The following FLACC1 variants were observed in gnomAD, a reference collection of about 807,000 sequenced individuals.
FLACC1 encodes the protein flagellum associated containing coiled-coil domains 1, also known as flagellum-associated coiled-coil domain-containing protein 1.
In FLACC1, 66 loss-of-function variants were observed where a neutral mutation model predicts 62.8. That is an observed-to-expected ratio of 1.05 (90% confidence interval 0.86 to 1.29). FLACC1 has a LOEUF of 1.29. FLACC1 is among the 50% of genes most tolerant of loss of function. The pLI, the probability that FLACC1 is intolerant of heterozygous loss-of-function variation, is 0.00. For synonymous variants in FLACC1, 156 were observed against 161.0 expected (o/e 0.97, Z 0.24); for missense variants, 452 against 489.1 (o/e 0.92, Z 0.71).
intron 7 of FLACC1, among the ~76,000 whole-genome samples, chr2:201,332,811 T>C (rs1413841299): frequency 2.6e-5 from 4 of 151,852 alleles, no homozygotes; most frequent in Non-Finnish European, 5.9e-5. Flanking sequence ...TATGTGGTAT[T>C]TGTCTTCCTG....
chr2:201,294,733 T>A (rs1423282042), intron 12 of FLACC1, among the ~76,000 whole-genome samples: 1 of 152,164 alleles, frequency 6.6e-6, no homozygotes, highest in Non-Finnish European at 1.5e-5. Flanking sequence ...AGTCAAATTG[T>A]CCCTGTTTGC....
intron 6 of FLACC1, among the ~76,000 whole-genome samples, chr2:201,343,134 C>T (rs187846233): frequency 6.6e-6 from 1 of 152,168 alleles, no homozygotes; most frequent in Non-Finnish European, 1.5e-5. Flanking sequence ...AACAGCCCAG[C>T]GTCAGCCAAC....
At chr2:201,294,788 A>C (rs1949821678) in intron 12 of FLACC1, among the ~76,000 whole-genome samples, 1 of 152,204 alleles carries the variant, frequency 6.6e-6, no homozygotes, top group Admixed American at 6.5e-5. Flanking sequence ...ATCTCTGCCC[A>C]AAATCTCCTT....
chr2:201,309,218 C>T lies in FLACC1; in HGVS notation c.708G>A (p.Trp236Ter), dbSNP rs772078448. Residue 236 changes from tryptophan to a stop codon, truncating the protein, a stop_gained, in exon 10 of 15, where the codon TGG becomes TGA. Transcript: ENST00000392257. LOFTEE classifies it high-confidence loss of function. ...TCTTCCATTTCGCCTTCTGTTTTGACCACTTCTCTTCCATTTCATCATAAA... is the reference window on the plus strand; with the variant it reads ...TCTTCCATTTCGCCTTCTGTTTTGATCACTTCTCTTCCATTTCATCATAAA... ...DSIYDEMEEK[W>*]SKQKAKWKKD... 70 of 1,613,922 alleles carry T rather than the reference C, an allele frequency of 4.3e-5. No individual in the cohort carries two copies. Among genetic ancestry groups the T allele is most frequent in the Non-Finnish European group, 5.7e-5 (67 of 1,179,910 alleles).
Position 201,309,179 on chromosome 2 carries a change from G to A in FLACC1, c.747C>T (p.Phe249=), listed in dbSNP as rs528302046. The A allele has an allele frequency of 3.8e-5, 62 of 1,613,780 alleles. No homozygotes were observed. In the East Asian group the frequency reaches 1.0e-3, roughly 27 times the overall value. Reference sequence around the variant, plus strand: ...GCTGTAGCAGGATATTTTCTCGCTCGAACTTCTCATCCTTCTTCCATTTCG... The same window carrying A: ...GCTGTAGCAGGATATTTTCTCGCTCAAACTTCTCATCCTTCTTCCATTTCG... ...QKAKWKKDEK[F]ERENILLQQK... The change falls in exon 10 of 15, where the codon TTC becomes TTT. Residue 249 remains phenylalanine (F), a synonymous_variant. Transcript: ENST00000392257.
intron 1 of FLACC1, among the ~76,000 whole-genome samples, chr2:201,352,920 C>G (rs899954250): frequency 6.6e-6 from 1 of 152,140 alleles, no homozygotes; most frequent in Non-Finnish European, 1.5e-5. Context: ...GCCAAGGAAT[C>G]GGGGCAGCAT....
chr2:201,328,608 T>C (rs1045896118), intron 9 of FLACC1, among the ~76,000 whole-genome samples: 1 of 152,126 alleles, frequency 6.6e-6, no homozygotes, highest in African/African-American at 2.4e-5. Context: ...GTATTTTCAG[T>C]AGAGACAGGG....
At chr2:201,348,035 T>C in intron 4 of FLACC1, 1 of 441,350 alleles carries the variant, frequency 2.3e-6, no homozygotes, top group Non-Finnish European at 4.1e-6. Flanking sequence ...CAGGAGAGAG[T>C]GGCAATTAAA....
chr2:201,288,809 A>T (rs1949653575), intron 14 of FLACC1, 28 bp from the exon 15 acceptor site: 2 of 1,609,102 alleles, frequency 1.2e-6, no homozygotes, highest in Non-Finnish European at 1.7e-6. Context: ...AGATGTATCA[A>T]TGTCAACTCA....
At chr2:201,302,678 G>A (rs951007019) in intron 11 of FLACC1, among the ~76,000 whole-genome samples, 7 of 152,136 alleles carry the variant, frequency 4.6e-5, no homozygotes, top group African/African-American at 1.7e-4. Context: ...CACATAGTTG[G>A]AAGTAAAGCA....
chr2:201,345,777 A>T (rs1576473171), intron 5 of FLACC1, among the ~76,000 whole-genome samples: 1 of 152,206 alleles, frequency 6.6e-6, no homozygotes, highest in African/African-American at 2.4e-5. Flanking sequence ...GAGCCTGAAG[A>T]CAGACAGGAC....
chr2:201,306,871 A>G (rs1470176765), intron 11 of FLACC1, among the ~76,000 whole-genome samples: 1 of 152,184 alleles, frequency 6.6e-6, no homozygotes, highest in Non-Finnish European at 1.5e-5. Context: ...TCAAATGGGA[A>G]AAGACTTGAA....
At chr2:201,328,184 A>G (rs1407083946) in intron 9 of FLACC1, among the ~76,000 whole-genome samples, 1 of 152,120 alleles carries the variant, frequency 6.6e-6, no homozygotes, top group Non-Finnish European at 1.5e-5. Context: ...TGATAAAAAA[A>G]AAACAAAACT....
At chr2:201,305,258 C>T (rs557103742) in intron 11 of FLACC1, among the ~76,000 whole-genome samples, 2 of 152,152 alleles carry the variant, frequency 1.3e-5, no homozygotes, top group African/African-American at 2.4e-5. Context: ...ACAACCCCAT[C>T]AACAAGTGGG....
intron 9 of FLACC1, among the ~76,000 whole-genome samples, chr2:201,310,241 G>T (rs915897819): frequency 6.5e-5 from 9 of 137,544 alleles, no homozygotes; most frequent in African/African-American, 2.6e-4. Context: ...TCTGTTCTAT[G>T]ATGTTTTCCC....
chr2:201,288,687 GCA>G lies in FLACC1; in HGVS notation c.1235_1236del (p.Val412AlafsTer4). 1.2e-6 allele frequency: 2 copies of G among 1,613,914 alleles called. No homozygotes were observed. Among genetic ancestry groups the G allele is most frequent in the Non-Finnish European group, 1.7e-6 (2 of 1,179,948 alleles). On this transcript the variant is annotated frameshift_variant, in exon 15 of 15. Coordinates refer to ENST00000392257, the MANE Select transcript of FLACC1 (RefSeq NM_001127391.3). LOFTEE classifies it low-confidence loss of function (END_TRUNC). Reference sequence around the variant, plus strand: ...TCTTGTCCTTTCTTGCTACCATCTTGCACAGTGTCAGAATCATCCTTAGAAAC... The same window carrying G: ...TCTTGTCCTTTCTTGCTACCATCTTGCAGTGTCAGAATCATCCTTAGAAAC... ...ITVSKDDSDT[V>X]QDGSKKGQES
intron 9 of FLACC1, among the ~76,000 whole-genome samples, chr2:201,310,762 A>G (rs1181440549): frequency 6.6e-6 from 1 of 152,226 alleles, no homozygotes; most frequent in Non-Finnish European, 1.5e-5. Flanking sequence ...CTAACCCCAA[A>G]GCTAGGAGAA....
rs758894746 is a variant in FLACC1, at chr2:201,346,931, C to T, written c.235-256G>A. On this transcript the variant is annotated intron_variant, in intron 4 of 14. Transcript: ENST00000392257. This position sits in a 1 kb window ranked among gnomAD's most constrained non-coding sequence, Gnocchi z 4.0. ...ACCAAGCCACTGATGCCCCTGCCCC[C>T]GACTTGTGTTCACCCTCGTGGCCAG... is the stretch of plus-strand genomic sequence containing the variant. 4.6e-5 allele frequency among the ~76,000 whole-genome samples: 7 copies of T among 152,310 alleles called. No individual in the cohort carries two copies. Among genetic ancestry groups the T allele is most frequent in the East Asian group, 3.9e-4 (2 of 5,172 alleles).
At chr2:201,352,759 C>A (rs2125626062) in intron 1 of FLACC1, among the ~76,000 whole-genome samples, 1 of 152,288 alleles carries the variant, frequency 6.6e-6, no homozygotes, top group African/African-American at 2.4e-5. Flanking sequence ...ATGTCCTAAT[C>A]CCTGGAAAGT....
Sources: gnomAD v4.1 joint callset for allele counts (sites outside exome capture counted in the v4.1 genomes callset) on GRCh38, gnomAD v4.1.1 for gene constraint, Gnocchi (gnomAD v3.1) non-coding constraint, MANE v1.5 for transcripts, NCBI Gene and HGNC (gene_info 2026-07-23, HGNC 2026-07-21) for gene names.